The following MACROD2 variants were observed in gnomAD, a reference collection of about 807,000 sequenced individuals.
The protein encoded by MACROD2 is ADP-ribose glycohydrolase MACROD2.
In MACROD2, 36 loss-of-function variants were observed where a neutral mutation model predicts 70.4. The ratio of observed to expected loss-of-function variants is 0.51; its 90% CI spans 0.39 to 0.68. The LOEUF (loss-of-function observed/expected upper bound fraction) is 0.68. MACROD2 is among the 30% of genes least tolerant of loss of function. The pLI is 0.00. For synonymous variants in MACROD2, 172 were observed against 178.8 expected, an observed-to-expected ratio of 0.96 and a Z score of 0.30; for missense variants, 496 against 538.4, an observed-to-expected ratio of 0.92 and a Z score of 0.78.
intron 6 of MACROD2, among the ~76,000 whole-genome samples, chr20:15,362,987 A>G (rs1021359319): frequency 1.3e-5 from 2 of 151,890 alleles, no homozygotes; most frequent in Non-Finnish European, 2.9e-5. Context: ...AAGGAAAGAA[A>G]GAAGGAAGAA....
At chr20:15,557,473 A>G (rs1242603448) in intron 8 of MACROD2, among the ~76,000 whole-genome samples, 3 of 152,230 alleles carry the variant, frequency 2.0e-5, no homozygotes, top group African/African-American at 4.8e-5. Context: ...ACCAAAGACA[A>G]GAAATGTAAG....
chr20:15,610,275 A>G (rs2048948817), intron 8 of MACROD2, among the ~76,000 whole-genome samples: 1 of 152,162 alleles, frequency 6.6e-6, no homozygotes, highest in African/African-American at 2.4e-5. Context: ...ACAAACTGCA[A>G]GGCTTAAAAT....
At position 15,992,911 on chromosome 20, in the gene MACROD2, AG is replaced by A. The variant is rs1479127393; in HGVS notation, c.1153+5754del. Among the ~76,000 whole-genome samples, 5 of 152,350 alleles carry A rather than the reference AG, an allele frequency of 3.3e-5. No homozygotes were observed. The East Asian group carries it at 7.7e-4, about 23-fold the overall frequency. On this transcript the variant is annotated intron_variant, in intron 15 of 17. Transcript: ENST00000684519. Reference sequence around the variant, plus strand: ...CTACAACTCAACTCTCTGTGCATAAAGTACCTGAATTTTTTTCACAACTAAT... The same window carrying A: ...CTACAACTCAACTCTCTGTGCATAAATACCTGAATTTTTTTCACAACTAAT...
At chr20:15,015,982 T>C (rs2075118129) in intron 5 of MACROD2, among the ~76,000 whole-genome samples, 2 of 152,208 alleles carry the variant, frequency 1.3e-5, no homozygotes, top group South Asian at 2.1e-4. Flanking sequence ...CATTTTCTAT[T>C]TGACAGAAAC....
At chr20:15,792,715 T>TGAGGTGTAAATTGGCTC (rs2063635888) in intron 8 of MACROD2, among the ~76,000 whole-genome samples, 2 of 152,156 alleles carry the variant, frequency 1.3e-5, no homozygotes, top group African/African-American at 2.4e-5. Context: ...CATTGTTGCT[T>TGAGGTGTAAATTGGCTC]GAGGTGTAAA....
chr20:14,128,842 G>A (rs115658827), intron 3 of MACROD2, among the ~76,000 whole-genome samples: 2,466 of 152,210 alleles, frequency 0.016, 26 homozygotes, highest in South Asian at 0.037. Flanking sequence ...CACAATGCCT[G>A]GATGACAGCA....
chr20:14,438,315 T>C (rs2084082493), intron 3 of MACROD2, among the ~76,000 whole-genome samples: 1 of 152,216 alleles, frequency 6.6e-6, no homozygotes, highest in Non-Finnish European at 1.5e-5. Flanking sequence ...CATCCATTTG[T>C]CTGTGGACAC....
chr20:14,699,951 T>G, intron 5 of MACROD2, among the ~76,000 whole-genome samples: 1 of 148,628 alleles, frequency 6.7e-6, no homozygotes, highest in South Asian at 2.1e-4. Context: ...TCTAGAAGTT[T>G]AAAGTTTAAA....
intron 3 of MACROD2, among the ~76,000 whole-genome samples, chr20:14,414,297 C>T (rs2083780297): frequency 1.3e-5 from 2 of 152,164 alleles, no homozygotes; most frequent in African/African-American, 4.8e-5. Flanking sequence ...CTCCACTCTT[C>T]CTGTCGTACA....
At chr20:15,291,215 T>A (rs2077538129) in intron 6 of MACROD2, among the ~76,000 whole-genome samples, 1 of 152,216 alleles carries the variant, frequency 6.6e-6, no homozygotes, top group Non-Finnish European at 1.5e-5. Context: ...GCTTAGTTGC[T>A]CCATAAGGAG....
rs464004 is a variant in MACROD2 at position 15,620,997 on chromosome 20, G to A, written c.645+121150G>A. On this transcript the variant is annotated intron_variant, in intron 8 of 17. Coordinates refer to ENST00000684519, the MANE Select transcript of MACROD2 (RefSeq NM_001351661.2). ...AGAAAAAAAGTTTTGTGGACTCCCC[G>A]GTGATAACTGGGGGCCTGGGGGAGA... 9.6e-3 allele frequency among the ~76,000 whole-genome samples: 1,463 copies of A among 152,208 alleles called. 13 individuals carry two copies. The highest frequency in any genetic ancestry group is 0.032 in the South Asian group (152 of 4,816).
intron 10 of MACROD2, among the ~76,000 whole-genome samples, chr20:15,907,824 G>C (rs1005422719): frequency 2.2e-4 from 33 of 152,324 alleles, no homozygotes; most frequent in African/African-American, 7.5e-4. Context: ...AAAAAGGGCT[G>C]TGTGCTCAGT....
chr20:14,976,175 G>A (rs1364565320), intron 5 of MACROD2, among the ~76,000 whole-genome samples: 1 of 152,084 alleles, frequency 6.6e-6, no homozygotes, highest in Non-Finnish European at 1.5e-5. Flanking sequence ...TCTTACTCTT[G>A]TAACAAATTA....
chr20:15,704,496 G>A (rs115919713), intron 8 of MACROD2, among the ~76,000 whole-genome samples: 144 of 152,312 alleles, frequency 9.5e-4, no homozygotes, highest in African/African-American at 3.2e-3. Context: ...TTAATATGGT[G>A]TATTTGATAG....
chr20:15,806,537 A>G (rs2063771249), intron 8 of MACROD2, among the ~76,000 whole-genome samples: 1 of 152,178 alleles, frequency 6.6e-6, no homozygotes, highest in Non-Finnish European at 1.5e-5. Flanking sequence ...GCTAAGAAGA[A>G]AACAGAGTGA....
intron 15 of MACROD2, among the ~76,000 whole-genome samples, chr20:16,031,678 T>A (rs1299245556): frequency 6.6e-6 from 1 of 152,148 alleles, no homozygotes; most frequent in African/African-American, 2.4e-5. Context: ...ATATAGTAAA[T>A]GCATATATTG....
At chr20:15,300,250 T>G (rs1033443499) in intron 6 of MACROD2, among the ~76,000 whole-genome samples, 6 of 152,200 alleles carry the variant, frequency 3.9e-5, no homozygotes, top group African/African-American at 1.4e-4. Context: ...GTAATTCATA[T>G]TTAGGCCTTG....
chr20:15,385,700 G>A (rs2045703611), intron 6 of MACROD2, among the ~76,000 whole-genome samples: 1 of 152,138 alleles, frequency 6.6e-6, no homozygotes, highest in African/African-American at 2.4e-5. Context: ...TTTCCCATCA[G>A]TTATTCTTGG....
At chr20:15,948,069 G>A (rs1292858478) in intron 12 of MACROD2, among the ~76,000 whole-genome samples, 1 of 152,040 alleles carries the variant, frequency 6.6e-6, no homozygotes, top group Non-Finnish European at 1.5e-5. Context: ...CCTGTTGAGA[G>A]GGGGGACTGA....
Sources: allele counts gnomAD v4.1 joint callset (sites outside exome capture counted in the v4.1 genomes callset), GRCh38; gene constraint gnomAD v4.1.1; transcripts MANE v1.5; gene names NCBI Gene and HGNC (gene_info 2026-07-23, HGNC 2026-07-21).